Variants in ENTPD5 observed in about 807,000 individuals in gnomAD.
ENTPD5 encodes nucleoside diphosphate phosphatase ENTPD5.
ENTPD5 carries 49 observed loss-of-function variants against 60.2 expected under a neutral mutation model. The ratio of observed to expected loss-of-function variants is 0.81; its 90% CI spans 0.65 to 1.03. ENTPD5 has a LOEUF of 1.03. ENTPD5 is among the 50% of genes least tolerant of loss of function. The pLI is 0.00. For missense variants in ENTPD5, 480 were observed against 507.6 expected, an observed-to-expected ratio of 0.95 and a Z score of 0.52; for synonymous variants, 187 against 185.4, an observed-to-expected ratio of 1.01 and a Z score of -0.07.
At chr14:73,958,717 A>G, downstream of ENTPD5, 10 of 1,393,122 alleles carry the variant, frequency 7.2e-6, no homozygotes, top group South Asian at 1.5e-5. Flanking sequence ...TCTAGTTCAA[A>G]TATCAGGAGG....
At chr14:73,997,224 C>A (rs1229928939) in intron 3 of ENTPD5, among the ~76,000 whole-genome samples, 1 of 152,020 alleles carries the variant, frequency 6.6e-6, no homozygotes, top group Non-Finnish European at 1.5e-5. Flanking sequence ...ATAAAGACAG[C>A]CAGAGTGAGG....
chr14:73,983,173 A>G lies in ENTPD5; in HGVS notation c.298-12T>C. ...ACGGTCTCAGCACCCTTCAAAAGAG[A>G]TAACCCGTTCATCTGATGAACGATC... On this transcript the variant is annotated splice_polypyrimidine_tract_variant and intron_variant, in intron 5 of 15. Transcript: ENST00000334696. 6.2e-7 allele frequency: 1 copy of G among 1,604,978 alleles called. No individual in the cohort carries two copies. Among genetic ancestry groups the G allele is most frequent in the African/African-American group, 1.3e-5 (1 of 74,722 alleles).
chr14:73,972,601 G>T (rs925902737), intron 13 of ENTPD5, among the ~76,000 whole-genome samples: 1 of 152,008 alleles, frequency 6.6e-6, no homozygotes, highest in African/African-American at 2.4e-5. Context: ...GGATTCATGG[G>T]TGTATACATG....
downstream of ENTPD5, chr14:73,959,655 C>T (rs570455142): frequency 2.6e-4 from 393 of 1,502,326 alleles, 1 homozygote; most frequent in African/African-American, 4.6e-3. Flanking sequence ...GTGCAATCTC[C>T]GCCTCCCGGG....
chr14:73,980,793 T>C (rs2057654605), intron 6 of ENTPD5, among the ~76,000 whole-genome samples: 2 of 152,296 alleles, frequency 1.3e-5, no homozygotes, highest in South Asian at 4.1e-4. Flanking sequence ...ATATATACAA[T>C]AAAATTTAAA....
At chr14:74,014,380 TC>T (rs59571519) in intron 2 of ENTPD5, among the ~76,000 whole-genome samples, 1,716 of 142,060 alleles carry the variant, frequency 0.012, 35 homozygotes, top group African/African-American at 0.035. Context: ...CAGTCTTTAC[TC>T]CCCCCCCCCA....
chr14:73,972,765 A>G (rs2057279946), intron 13 of ENTPD5, 119 bp downstream of exon 13: 1 of 1,181,924 alleles, frequency 8.5e-7, no homozygotes, highest in African/African-American at 1.5e-5. Flanking sequence ...TGTTCGAGTG[A>G]CTAGAAAAGA....
downstream of ENTPD5, chr14:73,960,772 G>A: frequency 4.8e-6 from 2 of 414,886 alleles, no homozygotes; most frequent in South Asian, 4.7e-5. Context: ...AAAGACTGGA[G>A]GAGTTAAAAA....
At position 73,988,092 on chromosome 14, in the gene ENTPD5, G is replaced by GGTCT. The variant is rs751090723; in HGVS notation, c.10_11insAGAC (p.Ser4Ter). The stretch of plus-strand genomic sequence containing the variant: ...CAGCATGAAAAAGACTGTGCCCCAA[G>GGTCT]AAGTGGCCATTCTTTTCCCAAGATG... On this transcript the variant is annotated stop_gained and frameshift_variant, in exon 4 of 16. Coordinates refer to ENST00000334696, the MANE Select transcript of ENTPD5 (RefSeq NM_001249.5). LOFTEE classifies it high-confidence loss of function. 1 of 1,610,428 alleles carries GGTCT rather than the reference G, an allele frequency of 6.2e-7. No individual in the cohort carries two copies. Among genetic ancestry groups the GGTCT allele is most frequent in the Non-Finnish European group, 8.5e-7 (1 of 1,178,774 alleles).
chr14:74,013,559 ATTC>A (rs1328151860), intron 2 of ENTPD5, among the ~76,000 whole-genome samples: 6 of 152,270 alleles, frequency 3.9e-5, no homozygotes, highest in South Asian at 2.1e-4. Context: ...ACCCAAGACA[ATTC>A]TTCTTCTTCC....
At chr14:73,980,979 G>C (rs2057665224) in intron 6 of ENTPD5, among the ~76,000 whole-genome samples, 1 of 151,794 alleles carries the variant, frequency 6.6e-6, no homozygotes, top group Non-Finnish European at 1.5e-5. Context: ...CACGCCTGTA[G>C]TCCCAGCTAC....
chr14:73,959,384 AGCCGTTG>A, downstream of ENTPD5: 2 of 1,614,160 alleles, frequency 1.2e-6, no homozygotes, highest in South Asian at 2.2e-5. Context: ...GCAGAGTCTT[AGCCGTTG>A]GTATTGGTGT....
At chr14:73,968,822 G>A (rs2057097737) in intron 15 of ENTPD5, among the ~76,000 whole-genome samples, 1 of 152,204 alleles carries the variant, frequency 6.6e-6, no homozygotes, top group South Asian at 2.1e-4. Context: ...TTGACCTGAT[G>A]TAATAGAGCC....
rs751231801 is a variant in ENTPD5, at chr14:73,976,048, G to T, written c.643-33C>A. ...TCAGAAAAAGCAAAAAGACTATTCA[G>T]GATCTGTAATTACCTGAAGATGTTC... On this transcript the variant is annotated intron_variant, in intron 9 of 15. Transcript: ENST00000334696. The T allele has an allele frequency of 1.9e-6, 3 of 1,558,130 alleles. No individual in the cohort carries two copies. In the South Asian group the frequency reaches 3.3e-5, roughly 17 times the overall value.
chr14:73,979,240 A>G (rs2057571278), intron 6 of ENTPD5, among the ~76,000 whole-genome samples: 1 of 150,340 alleles, frequency 6.7e-6, no homozygotes, highest in South Asian at 2.1e-4. Context: ...TTAAAATAGC[A>G]TTTCCCCCAC....
At chr14:73,958,427 T>A (rs1294133441), downstream of ENTPD5, 1 of 1,509,740 alleles carries the variant, frequency 6.6e-7, no homozygotes. Context: ...CCAGCTCAAG[T>A]GGAGATGGTC....
chr14:73,979,468 A>G (rs1028049692), intron 6 of ENTPD5, among the ~76,000 whole-genome samples: 2 of 144,558 alleles, frequency 1.4e-5, no homozygotes, highest in Non-Finnish European at 3.0e-5. Context: ...GTACATAGTA[A>G]GCACTTTTTT....
Position 73,986,905 on chromosome 14 carries a change from A to T in ENTPD5, c.218-12T>A. ...AATTGGAAGCTGTCCTATTTTGTCC[A>T]TGGAACAAAACAGAAGAGAGAGCTG... On this transcript the variant is annotated splice_polypyrimidine_tract_variant and intron_variant, in intron 4 of 15. Coordinates refer to ENST00000334696, the MANE Select transcript of ENTPD5 (RefSeq NM_001249.5). 1.2e-6 allele frequency: 2 copies of T among 1,608,552 alleles called. No homozygotes were observed. Among genetic ancestry groups the T allele is most frequent in the Non-Finnish European group, 1.7e-6 (2 of 1,174,896 alleles).
downstream of ENTPD5, chr14:73,960,149 C>T (rs1227708451): frequency 1.0e-6 from 1 of 989,582 alleles, no homozygotes; most frequent in Non-Finnish European, 1.2e-6. Context: ...ACCTTTCAAG[C>T]CTGATTCATT....
Sources: allele counts gnomAD v4.1 joint callset (sites outside exome capture counted in the v4.1 genomes callset), GRCh38; gene constraint gnomAD v4.1.1; transcripts MANE v1.5; gene names NCBI Gene and HGNC (gene_info 2026-07-23, HGNC 2026-07-21).